The following TET3 variants were observed in gnomAD, a reference collection of about 807,000 sequenced individuals.
TET3 encodes methylcytosine dioxygenase TET3.
TET3 carries 19 observed loss-of-function variants against 141.4 expected under a neutral mutation model. The observed-to-expected ratio is 0.13, with a 90% CI of 0.09 to 0.20. The LOEUF (loss-of-function observed/expected upper bound fraction) is 0.20. TET3 is among the 10% of genes least tolerant of loss of function. The pLI is 1.00. For missense variants in TET3, 1,874 were observed against 2,356.9 expected, an observed-to-expected ratio of 0.80 and a Z score of 4.24; for synonymous variants, 1,043 against 980.9, an observed-to-expected ratio of 1.06 and a Z score of -1.18.
chr2:74,091,205 C>A (rs1344236725), intron 8 of TET3, among the ~76,000 whole-genome samples: 1 of 152,174 alleles, frequency 6.6e-6, no homozygotes, highest in Non-Finnish European at 1.5e-5. Context: ...CCCTCCCTTA[C>A]AAGCAGCAGA....
chr2:74,012,539 C>T (rs1558710394), intron 3 of TET3, among the ~76,000 whole-genome samples: 1 of 152,170 alleles, frequency 6.6e-6, no homozygotes, highest in Non-Finnish European at 1.5e-5. Flanking sequence ...GAGATTCAGT[C>T]CAGGAGCTTG....
the TET3 span, among the ~76,000 whole-genome samples, chr2:74,130,377 CATAGCCCGACCAGCAAT>C: frequency 6.6e-6 from 1 of 152,228 alleles, no homozygotes. Context: ...TGACTCCTAG[CATAGCCCGACCAGCAAT>C]ATTAGCGCCA....
chr2:74,070,843 T>G (rs1268906003), intron 4 of TET3, among the ~76,000 whole-genome samples: 2 of 151,984 alleles, frequency 1.3e-5, no homozygotes, highest in Admixed American at 1.3e-4. Flanking sequence ...GGCATGGTGG[T>G]GCACACCTGT....
intron 3 of TET3, among the ~76,000 whole-genome samples, chr2:74,031,107 T>C (rs551035118): frequency 6.9e-4 from 105 of 151,902 alleles, no homozygotes; most frequent in Admixed American, 1.5e-3. Flanking sequence ...AAAGGAAACT[T>C]TGGGGCTGTT....
intron 3 of TET3, among the ~76,000 whole-genome samples, chr2:74,003,789 G>C (rs1485054804): frequency 1.3e-5 from 2 of 150,822 alleles, no homozygotes; most frequent in Non-Finnish European, 3.0e-5. Context: ...ACTGGGAAGA[G>C]AGTGTTCCCA....
At chr2:74,027,142 C>A (rs1044966633) in intron 3 of TET3, among the ~76,000 whole-genome samples, 8 of 152,202 alleles carry the variant, frequency 5.3e-5, no homozygotes, top group Non-Finnish European at 1.0e-4. Context: ...TTGCCTTTCC[C>A]TTTCCTCTGT....
chr2:74,061,841 C>T (rs1173034358), intron 4 of TET3, among the ~76,000 whole-genome samples: 3 of 143,106 alleles, frequency 2.1e-5, no homozygotes, highest in East Asian at 4.0e-4. Flanking sequence ...GGCAGAGACG[C>T]TCCTCACTTC....
At chr2:73,991,352 G>T (rs1285843098) in intron 2 of TET3, among the ~76,000 whole-genome samples, 1 of 151,870 alleles carries the variant, frequency 6.6e-6, no homozygotes, top group African/African-American at 2.4e-5. Context: ...GGGAGACCAA[G>T]GCAGGCAGAT....
At chr2:74,008,282 G>C (rs939904494) in intron 3 of TET3, among the ~76,000 whole-genome samples, 2 of 152,200 alleles carry the variant, frequency 1.3e-5, no homozygotes, top group African/African-American at 4.8e-5. Flanking sequence ...AGCTTCTGTA[G>C]ATAAGGATGC....
chr2:74,129,093 T>A, the TET3 span, among the ~76,000 whole-genome samples: 5 of 148,442 alleles, frequency 3.4e-5, no homozygotes, highest in Non-Finnish European at 5.9e-5. Context: ...GCAGATCACC[T>A]GAGGTCGTGA....
At chr2:74,124,257 G>A in the TET3 span, among the ~76,000 whole-genome samples, 2 of 140,944 alleles carry the variant, frequency 1.4e-5, no homozygotes, top group Non-Finnish European at 3.0e-5. Context: ...CCGTCCGGGA[G>A]GGAGGTGGGG....
At chr2:74,006,649 C>G (rs1685163840) in intron 3 of TET3, among the ~76,000 whole-genome samples, 1 of 152,170 alleles carries the variant, frequency 6.6e-6, no homozygotes, top group Non-Finnish European at 1.5e-5. Flanking sequence ...CTCCCATACC[C>G]CGGAGGCTGC....
chr2:74,119,290 T>C, the TET3 span, among the ~76,000 whole-genome samples: 2 of 150,726 alleles, frequency 1.3e-5, no homozygotes, highest in African/African-American at 4.9e-5. Flanking sequence ...GAGGCGGAGG[T>C]TGCAGTGAGC....
At chr2:74,080,071 AAG>A (rs1689721315) in intron 5 of TET3, among the ~76,000 whole-genome samples, 1 of 152,222 alleles carries the variant, frequency 6.6e-6, no homozygotes, top group Admixed American at 6.5e-5. Context: ...GGATTATTCA[AAG>A]AGAATAATAA....
In TET3 at chr2:74,103,259, ATGGTGCTGTGCGGAGCC is replaced by A. The variant is rs1691330348; in HGVS notation, c.*1093_*1109del. On this transcript the variant is annotated 3_prime_UTR_variant, in exon 12 of 12. Coordinates refer to ENST00000409262, the MANE Select transcript of TET3 (RefSeq NM_001287491.2). ...GTGAAAAGCCAGTGGTGCTCTGTGC[ATGGTGCTGTGCGGAGCC>A]TGGTGCTGTAGTGTTGTGCTGGGAC... is the stretch of plus-strand genomic sequence containing the variant. 1 of 152,710 alleles carries A rather than the reference ATGGTGCTGTGCGGAGCC, an allele frequency of 6.5e-6. No individual in the cohort carries two copies. Among genetic ancestry groups the A allele is most frequent in the Non-Finnish European group, 1.5e-5 (1 of 68,260 alleles). 9.5% of individuals were successfully genotyped at this position (152,710 alleles called of 1,614,324 possible).
At chr2:74,045,419 G>C (rs1428367451) in intron 3 of TET3, among the ~76,000 whole-genome samples, 2 of 152,228 alleles carry the variant, frequency 1.3e-5, no homozygotes, top group Non-Finnish European at 2.9e-5. Flanking sequence ...CAGTAAGGAA[G>C]AGCTTTCCTT....
the TET3 span, chr2:74,121,721 A>C: frequency 6.6e-6 from 1 of 152,260 alleles, no homozygotes; most frequent in Non-Finnish European, 1.5e-5. Flanking sequence ...TAGGCTGGGC[A>C]CAGTGGTTCA....
At chr2:74,023,664 C>T (rs1309085770) in intron 3 of TET3, among the ~76,000 whole-genome samples, 1 of 152,204 alleles carries the variant, frequency 6.6e-6, no homozygotes, top group East Asian at 1.9e-4. Flanking sequence ...CAGACAGTGG[C>T]TCCCAGTGGC....
At chr2:74,001,071 G>A (rs1431499697) in intron 2 of TET3, among the ~76,000 whole-genome samples, 1 of 152,176 alleles carries the variant, frequency 6.6e-6, no homozygotes, top group Non-Finnish European at 1.5e-5. Flanking sequence ...GAAACCCATT[G>A]TTCCACCTGA....
Sources: gnomAD v4.1 joint callset for allele counts (sites outside exome capture counted in the v4.1 genomes callset) on GRCh38, gnomAD v4.1.1 for gene constraint, MANE v1.5 for transcripts, NCBI Gene and HGNC (gene_info 2026-07-23, HGNC 2026-07-21) for gene names.